RARB: variants seen among roughly 807,000 people sequenced by gnomAD.
The protein encoded by RARB is retinoic acid receptor beta, also known as HBV-activated protein.
A neutral mutation model predicts 51.9 loss-of-function variants in RARB; 17 were observed. That is an observed-to-expected ratio of 0.33 (90% CI 0.22 to 0.49). The LOEUF is 0.49. Among genes scored for constraint, RARB ranks in the 20% least tolerant of loss-of-function variants. RARB has a pLI of 0.99. For missense variants in RARB, 369 were observed against 550.8 expected (o/e 0.67, Z 3.30); for synonymous variants, 215 against 195.4 (o/e 1.10, Z -0.84).
chr3:25,529,914 C>T (rs1323137420), intron 3 of RARB, among the ~76,000 whole-genome samples: 1 of 151,946 alleles, frequency 6.6e-6, no homozygotes, highest in Non-Finnish European at 1.5e-5. Flanking sequence ...TTTTTAAAAC[C>T]CCTCAGTGGC....
chr3:24,969,720 A>G (rs981437818), intron 2 of RARB, among the ~76,000 whole-genome samples: 1 of 152,146 alleles, frequency 6.6e-6, no homozygotes, highest in African/African-American at 2.4e-5. Flanking sequence ...CTTCTGTGTA[A>G]TTCCCAATGA....
chr3:24,921,607 G>A (rs1695218281), intron 2 of RARB, among the ~76,000 whole-genome samples: 1 of 151,930 alleles, frequency 6.6e-6, no homozygotes, highest in South Asian at 2.1e-4. Context: ...TCTTATCTCA[G>A]CACCCAATCA....
At chr3:25,497,989 C>T (rs962118179) in intron 2 of RARB, among the ~76,000 whole-genome samples, 1 of 152,256 alleles carries the variant, frequency 6.6e-6, no homozygotes, top group African/African-American at 2.4e-5. Flanking sequence ...CTCATGCTGG[C>T]CAAGCTCCCT....
chr3:25,512,791 G>A (rs2125622638), intron 3 of RARB, among the ~76,000 whole-genome samples: 1 of 152,292 alleles, frequency 6.6e-6, no homozygotes, highest in East Asian at 1.9e-4. Context: ...ATGACTTTCA[G>A]AGTCAAACTG....
chr3:25,327,214 G>A (rs947260087), intron 5 of RARB, among the ~76,000 whole-genome samples: 7 of 151,980 alleles, frequency 4.6e-5, no homozygotes, highest in Non-Finnish European at 7.4e-5. Flanking sequence ...AAACGAATGG[G>A]AAGAAATTAT....
At chr3:25,164,650 A>G (rs538903981) in intron 4 of RARB, among the ~76,000 whole-genome samples, 1 of 152,350 alleles carries the variant, frequency 6.6e-6, no homozygotes, top group African/African-American at 2.4e-5. Context: ...TAAATATTAA[A>G]TACTTATTTA....
rs202069427 is a variant in RARB, at chr3:25,456,034, C to CCTGAGAT, written c.158-5157_158-5151dup. Among the ~76,000 whole-genome samples, 686 of 152,270 alleles carry CCTGAGAT rather than the reference C, an allele frequency of 4.5e-3. 5 individuals carry two copies. Among genetic ancestry groups the CCTGAGAT allele is most frequent in the African/African-American group, 0.016 (652 of 41,550 alleles). On this transcript the variant is annotated intron_variant, in intron 1 of 7. Transcript: ENST00000330688. Reference sequence around the variant, plus strand: ...GTCTAAAAACTGCTTTTTTGGCCTGCCTGAGATCGCTGAATGAGCTAATAC... The same window carrying CCTGAGAT: ...GTCTAAAAACTGCTTTTTTGGCCTGCCTGAGATCTGAGATCGCTGAATGAGCTAATAC...
chr3:25,256,767 T>C (rs1380744829), intron 5 of RARB, among the ~76,000 whole-genome samples: 2 of 152,022 alleles, frequency 1.3e-5, no homozygotes, highest in Non-Finnish European at 2.9e-5. Context: ...TAGAGTTCTT[T>C]GGCAAACGTG....
upstream of RARB, among the ~76,000 whole-genome samples, chr3:25,427,920 G>A (rs1318110699): frequency 6.6e-6 from 1 of 152,186 alleles, no homozygotes; most frequent in Admixed American, 6.5e-5. Flanking sequence ...GCGGAACACC[G>A]TTTTCCAAGC....
intron 4 of RARB, among the ~76,000 whole-genome samples, chr3:25,146,427 A>C (rs569174322): frequency 1.2e-4 from 18 of 152,300 alleles, no homozygotes; most frequent in African/African-American, 4.3e-4. Context: ...GTTATATCCC[A>C]ATAAAAATTA....
chr3:25,258,354 G>T (rs1702917302), intron 5 of RARB, among the ~76,000 whole-genome samples: 1 of 152,182 alleles, frequency 6.6e-6, no homozygotes, highest in Admixed American at 6.5e-5. Context: ...ATAGTTGTAT[G>T]TTGTTTTATG....
At chr3:24,974,061 T>G (rs1028366781) in intron 2 of RARB, among the ~76,000 whole-genome samples, 1 of 152,050 alleles carries the variant, frequency 6.6e-6, no homozygotes, top group African/African-American at 2.4e-5. Flanking sequence ...AATTTTTCCC[T>G]GTACAATATG....
chr3:24,985,467 T>C (rs1248060544), intron 2 of RARB, among the ~76,000 whole-genome samples: 1 of 152,164 alleles, frequency 6.6e-6, no homozygotes, highest in African/African-American at 2.4e-5. Flanking sequence ...GACAAATCTT[T>C]GCTACAGTAT....
At chr3:24,956,498 G>C (rs1321283174) in intron 2 of RARB, among the ~76,000 whole-genome samples, 1 of 152,160 alleles carries the variant, frequency 6.6e-6, no homozygotes, top group African/African-American at 2.4e-5. Context: ...GAAGGTGAGT[G>C]AAGTACAAAC....
chr3:24,881,854 G>A (rs1321959366), intron 2 of RARB, among the ~76,000 whole-genome samples: 1 of 152,134 alleles, frequency 6.6e-6, no homozygotes, highest in Non-Finnish European at 1.5e-5. Context: ...TGTTTGATTT[G>A]AGGAGAGTTG....
intron 3 of RARB, among the ~76,000 whole-genome samples, chr3:25,088,218 A>G (rs1406514441): frequency 6.6e-6 from 1 of 152,058 alleles, no homozygotes; most frequent in Non-Finnish European, 1.5e-5. Context: ...GCTTATTCAC[A>G]CTTCTCTTTG....
intron 4 of RARB, among the ~76,000 whole-genome samples, chr3:25,164,413 G>A (rs563743555): frequency 1.5e-4 from 22 of 150,764 alleles, no homozygotes; most frequent in Non-Finnish European, 2.4e-4. Flanking sequence ...TGTGTGCAGT[G>A]ACCTGACATT....
At chr3:24,884,623 C>G (rs2362776) in intron 2 of RARB, among the ~76,000 whole-genome samples, 111,783 of 152,062 alleles carry the variant, frequency 0.74, 42,129 homozygotes, top group African/African-American at 0.89. Flanking sequence ...TTGTTTCTTA[C>G]TTCATAGGAT....
intron 3 of RARB, among the ~76,000 whole-genome samples, chr3:25,080,355 C>A (rs772958968): frequency 6.6e-6 from 1 of 152,150 alleles, no homozygotes; most frequent in African/African-American, 2.4e-5. Context: ...TCAGATATTT[C>A]CACATTTTAG....
Sources: allele counts gnomAD v4.1 joint callset (sites outside exome capture counted in the v4.1 genomes callset), GRCh38; gene constraint gnomAD v4.1.1; transcripts MANE v1.5; gene names NCBI Gene and HGNC (gene_info 2026-07-23, HGNC 2026-07-21).